KLF12: variants seen among roughly 807,000 people sequenced by gnomAD.
The protein encoded by KLF12 is KLF transcription factor 12.
In KLF12, 9 loss-of-function variants were observed where a neutral mutation model predicts 37.8. The observed-to-expected ratio is 0.24, with a 90% CI of 0.14 to 0.42. The LOEUF is 0.42. Ranked by LOEUF, KLF12 falls within the 10% of genes least tolerant of loss-of-function variation. The pLI, the probability that KLF12 is intolerant of heterozygous loss-of-function variation, is 1.00. For synonymous variants in KLF12, 208 were observed against 202.1 expected, an observed-to-expected ratio of 1.03 and a Z score of -0.25; for missense variants, 411 against 516.0, an observed-to-expected ratio of 0.80 and a Z score of 1.97.
upstream of KLF12, among the ~76,000 whole-genome samples, chr13:74,137,372 AGAT>A (rs2139054057): frequency 6.6e-6 from 1 of 152,352 alleles, no homozygotes; most frequent in South Asian, 2.1e-4. Flanking sequence ...TTTAAAACCA[AGAT>A]GATTTTGATA....
chr13:73,724,919 A>G (rs1216081697), intron 6 of KLF12, among the ~76,000 whole-genome samples: 1 of 152,120 alleles, frequency 6.6e-6, no homozygotes, highest in Non-Finnish European at 1.5e-5. Context: ...TCTGCTTGGC[A>G]ACACTGATAT....
In KLF12 at chr13:73,998,110, C is replaced by A. The variant is rs142307865; in HGVS notation, c.-31-3057G>T. 2.3e-3 allele frequency among the ~76,000 whole-genome samples: 351 copies of A among 152,244 alleles called. 4 individuals are homozygous for A. Among genetic ancestry groups the A allele is most frequent in the African/African-American group, 7.8e-3 (325 of 41,530 alleles). On this transcript the variant is annotated intron_variant, in intron 1 of 7. Transcript: ENST00000377669. ...CTTTATAACTCAAAGACAGTACACCCTGGACAACAGAAGTGACCCTGGCCA... is the reference window on the plus strand; with the variant it reads ...CTTTATAACTCAAAGACAGTACACCATGGACAACAGAAGTGACCCTGGCCA...
chr13:74,155,983 A>C, the KLF12 span, among the ~76,000 whole-genome samples: 1 of 152,170 alleles, frequency 6.6e-6, no homozygotes, highest in Admixed American at 6.5e-5. Flanking sequence ...ATGGCCTGTC[A>C]TCTCAGCATG....
At chr13:74,185,624 A>C in the KLF12 span, among the ~76,000 whole-genome samples, 1 of 152,146 alleles carries the variant, frequency 6.6e-6, no homozygotes, top group East Asian at 1.9e-4. Context: ...AACATTGGCC[A>C]GATTAATGAC....
chr13:73,932,297 C>A (rs997247459), intron 3 of KLF12, among the ~76,000 whole-genome samples: 5 of 152,156 alleles, frequency 3.3e-5, no homozygotes, highest in Non-Finnish European at 5.9e-5. Flanking sequence ...ATGACACTTT[C>A]TTCGCATTTT....
chr13:73,738,587 AAAC>A (rs754919293), intron 6 of KLF12, among the ~76,000 whole-genome samples: 4 of 152,188 alleles, frequency 2.6e-5, no homozygotes, highest in Admixed American at 6.5e-5. Flanking sequence ...GTTTGGGGAA[AAAC>A]AACAACAAAA....
At chr13:73,789,181 C>T (rs920856686) in intron 5 of KLF12, among the ~76,000 whole-genome samples, 1 of 152,038 alleles carries the variant, frequency 6.6e-6, no homozygotes, top group Non-Finnish European at 1.5e-5. Context: ...CAAATACTTT[C>T]GATTGTTGGT....
chr13:73,715,624 G>A (rs1240066968), intron 6 of KLF12, 99 bp from the exon 7 acceptor site: 1 of 1,197,680 alleles, frequency 8.3e-7, no homozygotes, highest in Non-Finnish European at 1.2e-6. Context: ...CAGCTTCACA[G>A]ACTCAAGGCC....
chr13:73,855,482 T>C (rs116029787), intron 3 of KLF12, among the ~76,000 whole-genome samples: 2,039 of 152,328 alleles, frequency 0.013, 52 homozygotes, highest in African/African-American at 0.047. Context: ...ACATTTCCTT[T>C]ATCCAGTCCA....
chr13:73,840,718 C>T (rs1211884950), intron 4 of KLF12, among the ~76,000 whole-genome samples: 1 of 152,144 alleles, frequency 6.6e-6, no homozygotes, highest in East Asian at 1.9e-4. Context: ...GATCATGTCA[C>T]CCTCCTGTTC....
intron 1 of KLF12, among the ~76,000 whole-genome samples, chr13:73,998,835 T>C (rs189180421): frequency 2.0e-5 from 3 of 152,354 alleles, no homozygotes; most frequent in African/African-American, 2.4e-5. Flanking sequence ...TAAATATTTC[T>C]GGAGATAAAT....
chr13:73,964,404 C>T (rs1272841715), intron 2 of KLF12, among the ~76,000 whole-genome samples: 1 of 152,040 alleles, frequency 6.6e-6, no homozygotes, highest in Admixed American at 6.6e-5. Flanking sequence ...AACAGCCTAC[C>T]CAGGTTTTTT....
chr13:74,245,785 A>G, the KLF12 span, among the ~76,000 whole-genome samples: 1 of 152,254 alleles, frequency 6.6e-6, no homozygotes, highest in African/African-American at 2.4e-5. Flanking sequence ...GACCTGAATT[A>G]CTTAACCACT....
chr13:73,930,943 A>G (rs1889645683), intron 3 of KLF12, among the ~76,000 whole-genome samples: 1 of 145,034 alleles, frequency 6.9e-6, no homozygotes, highest in Admixed American at 7.3e-5. Context: ...GGCTCACAAC[A>G]TCCTTCGGGT....
At chr13:74,075,747 A>C (rs190549706) in intron 1 of KLF12, among the ~76,000 whole-genome samples, 242 of 152,310 alleles carry the variant, frequency 1.6e-3, no homozygotes, top group African/African-American at 5.5e-3. Context: ...ACTACACACA[A>C]AAAAGTGGAA....
intron 1 of KLF12, among the ~76,000 whole-genome samples, chr13:74,090,851 C>T (rs1875610686): frequency 6.6e-6 from 1 of 150,604 alleles, no homozygotes; most frequent in South Asian, 2.1e-4. Flanking sequence ...TTGATATAGC[C>T]CAATTCATTA....
the KLF12 span, among the ~76,000 whole-genome samples, chr13:74,193,567 G>A: frequency 6.6e-6 from 1 of 152,156 alleles, no homozygotes; most frequent in Non-Finnish European, 1.5e-5. Context: ...GATTCTGTGT[G>A]TTTAAGTCAA....
At chr13:74,234,809 T>C in the KLF12 span, among the ~76,000 whole-genome samples, 8,207 of 152,226 alleles carry the variant, frequency 0.054, 297 homozygotes, top group Non-Finnish European at 0.081. Flanking sequence ...GACCATTATA[T>C]GTATCGATAC....
chr13:74,032,829 T>C (rs1343925943), intron 1 of KLF12, among the ~76,000 whole-genome samples: 1 of 152,246 alleles, frequency 6.6e-6, no homozygotes, highest in Non-Finnish European at 1.5e-5. Flanking sequence ...ACTTGATGGC[T>C]GACCAATAAA....
Sources: allele counts gnomAD v4.1 joint callset (sites outside exome capture counted in the v4.1 genomes callset), GRCh38; gene constraint gnomAD v4.1.1; transcripts MANE v1.5; gene names NCBI Gene and HGNC (gene_info 2026-07-23, HGNC 2026-07-21).